ADD1: variants seen among roughly 807,000 people sequenced by gnomAD.
ADD1 encodes the protein alpha-adducin.
In ADD1, 24 loss-of-function variants were observed where a neutral mutation model predicts 80.5. The ratio of observed to expected loss-of-function variants is 0.30; its 90% CI spans 0.22 to 0.42. The LOEUF is 0.42. Among genes scored for constraint, ADD1 ranks in the 10% least tolerant of loss-of-function variants. The pLI is 1.00. For synonymous variants in ADD1, 373 were observed against 393.8 expected (o/e 0.95, Z 0.63); for missense variants, 948 against 1,019.0 (o/e 0.93, Z 0.95).
intron 5 of ADD1, 31 bp from the exon 6 acceptor site, chr4:2,894,551 G>A (rs750104522): frequency 3.3e-5 from 52 of 1,555,232 alleles, no homozygotes; most frequent in Non-Finnish European, 4.3e-5. Context: ...AGTCCTCTTG[G>A]TATTTTACAT....
At chr4:2,859,732 T>C (rs988704598) in intron 1 of ADD1, among the ~76,000 whole-genome samples, 1 of 152,204 alleles carries the variant, frequency 6.6e-6, no homozygotes. Flanking sequence ...CCTCACCCAT[T>C]TTGGAGGTTT....
chr4:2,921,553 C>A (rs925204476), intron 14 of ADD1, among the ~76,000 whole-genome samples: 3 of 152,202 alleles, frequency 2.0e-5, no homozygotes, highest in Non-Finnish European at 4.4e-5. Flanking sequence ...ACCTTTCTCT[C>A]TGGCTGCCCT....
At chr4:2,923,350 C>T (rs1329585375) in intron 14 of ADD1, among the ~76,000 whole-genome samples, 3 of 152,200 alleles carry the variant, frequency 2.0e-5, no homozygotes, top group African/African-American at 7.2e-5. Context: ...TGCACTGTTT[C>T]TCAAGCCACA....
At chr4:2,918,136 T>C (rs1739386863) in intron 14 of ADD1, among the ~76,000 whole-genome samples, 1 of 152,220 alleles carries the variant, frequency 6.6e-6, no homozygotes, top group African/African-American at 2.4e-5. Context: ...TTCACAATAC[T>C]GATTCTTTGT....
chr4:2,868,047 A>C (rs1206323827), intron 1 of ADD1: 1 of 152,256 alleles, frequency 6.6e-6, no homozygotes. Context: ...CAGAGTAATT[A>C]AAGGCTTTTA....
intron 2 of ADD1, among the ~76,000 whole-genome samples, chr4:2,878,478 A>C (rs1417155298): frequency 6.6e-6 from 1 of 152,146 alleles, no homozygotes; most frequent in East Asian, 1.9e-4. Context: ...ACTTACGTAA[A>C]AACAACAAGA....
intron 13 of ADD1, among the ~76,000 whole-genome samples, chr4:2,914,499 G>T (rs888594167): frequency 1.3e-5 from 2 of 152,202 alleles, no homozygotes; most frequent in African/African-American, 4.8e-5. Context: ...GACAGTTTCT[G>T]ATGTCATGAG....
intron 13 of ADD1, among the ~76,000 whole-genome samples, chr4:2,914,015 C>T (rs1460148372): frequency 4.7e-5 from 7 of 149,208 alleles, no homozygotes; most frequent in Admixed American, 1.3e-4. Flanking sequence ...GCCGAGATTG[C>T]GCCACTACAC....
At position 2,928,222 on chromosome 4, in the gene ADD1, A is replaced by G; in HGVS notation, c.2099A>G (p.Lys700Arg). 6.2e-7 allele frequency: 1 copy of G among 1,614,074 alleles called. No homozygotes were observed. The highest frequency in any genetic ancestry group is 8.5e-7 in the Non-Finnish European group (1 of 1,180,020). The change falls in exon 16 of 16, where the codon AAG (lysine) becomes AGG (arginine). Residue 700 changes from lysine (K) to arginine (R), a missense_variant. Coordinates refer to ENST00000683351, the MANE Select transcript of ADD1 (RefSeq NM_001354761.2). ...TGDDSDAATF[K>R]PTLPDLSPDE... ...GATGACAGTGATGCTGCCACCTTTA[A>G]GCCAACTCTCCCCGATCTGTCCCCT...
chr4:2,902,593 GGT>G (rs1461101726), intron 9 of ADD1: 1 of 152,176 alleles, frequency 6.6e-6, no homozygotes, highest in Non-Finnish European at 1.5e-5. Context: ...AGCCAGGTGT[GGT>G]GGAGGGTGCC....
intron 15 of ADD1, among the ~76,000 whole-genome samples, chr4:2,927,599 T>C (rs539583342): frequency 3.3e-5 from 5 of 152,340 alleles, no homozygotes; most frequent in Non-Finnish European, 5.9e-5. Context: ...TGATGCTGGG[T>C]GGAGTTTTTG....
At chr4:2,865,412 T>G (rs1221367092) in intron 1 of ADD1, among the ~76,000 whole-genome samples, 2 of 152,206 alleles carry the variant, frequency 1.3e-5, no homozygotes, top group Non-Finnish European at 2.9e-5. Flanking sequence ...AGTTTCAGAG[T>G]TAATGAAGTA....
At chr4:2,850,575 G>T (rs1726927224) in intron 1 of ADD1, among the ~76,000 whole-genome samples, 1 of 152,206 alleles carries the variant, frequency 6.6e-6, no homozygotes, top group Admixed American at 6.5e-5. Flanking sequence ...ACAGGCGCCT[G>T]CCACCATGCC....
intron 14 of ADD1, among the ~76,000 whole-genome samples, chr4:2,917,680 C>T (rs894936272): frequency 1.3e-5 from 2 of 150,940 alleles, no homozygotes; most frequent in Non-Finnish European, 3.0e-5. Flanking sequence ...TGTTTAACCC[C>T]TCTTGAGTTA....
chr4:2,844,294 C>G (rs548444082), intron 1 of ADD1: 1 of 152,180 alleles, frequency 6.6e-6, no homozygotes, highest in South Asian at 2.1e-4. Flanking sequence ...CCGGGCCGCT[C>G]GTTCCTGGCC....
chr4:2,898,604 A>T (rs754843721), intron 8 of ADD1, 73 bp downstream of exon 8: 16 of 1,304,320 alleles, frequency 1.2e-5, no homozygotes, highest in Non-Finnish European at 1.6e-5. Context: ...TTTTTTTTTG[A>T]TACTTATCGA....
At chr4:2,871,943 ATTAG>A (rs1402857430) in intron 1 of ADD1, among the ~76,000 whole-genome samples, 1 of 152,196 alleles carries the variant, frequency 6.6e-6, no homozygotes, top group Non-Finnish European at 1.5e-5. Context: ...AGGTCCACAT[ATTAG>A]TTCTCAGATT....
chr4:2,856,289 C>T (rs889483308), intron 1 of ADD1, among the ~76,000 whole-genome samples: 1 of 152,116 alleles, frequency 6.6e-6, no homozygotes, highest in African/African-American at 2.4e-5. Context: ...CTGCTCTCTA[C>T]TTTTGTTGTT....
chr4:2,921,331 TG>T (rs1375998642), intron 14 of ADD1, among the ~76,000 whole-genome samples: 3 of 152,186 alleles, frequency 2.0e-5, no homozygotes, highest in Non-Finnish European at 4.4e-5. Flanking sequence ...GGTTTCACCA[TG>T]TTAGCCAGGA....
Sources: gnomAD v4.1 joint callset for allele counts (sites outside exome capture counted in the v4.1 genomes callset) on GRCh38, gnomAD v4.1.1 for gene constraint, MANE v1.5 for transcripts, NCBI Gene and HGNC (gene_info 2026-07-23, HGNC 2026-07-21) for gene names.